Variants in TRMT13 observed in about 807,000 individuals in gnomAD.
The protein encoded by TRMT13 is tRNA methyltransferase 13, also known as tRNA:m(4)X modification enzyme TRM13 homolog.
In TRMT13, 45 loss-of-function variants were observed where a neutral mutation model predicts 55.9. The ratio of observed to expected loss-of-function variants is 0.80; its 90% CI spans 0.63 to 1.03. The LOEUF (loss-of-function observed/expected upper bound fraction) is 1.03, where lower values mean the gene tolerates loss of function less well. TRMT13 is among the 50% of genes least tolerant of loss of function. The pLI, the probability that TRMT13 is intolerant of heterozygous loss-of-function variation, is 0.00. For missense variants in TRMT13, 513 were observed against 563.9 expected (o/e 0.91, Z 0.91); for synonymous variants, 183 against 196.3 (o/e 0.93, Z 0.57).
At chr1:100,142,684 G>A (rs1656770857) in intron 7 of TRMT13, among the ~76,000 whole-genome samples, 1 of 152,172 alleles carries the variant, frequency 6.6e-6, no homozygotes, top group South Asian at 2.1e-4. Flanking sequence ...GTTCACAATT[G>A]AGTATGTGTC....
In TRMT13 at chr1:100,140,240, A is replaced by T; in HGVS notation, c.383A>T (p.Lys128Ile). The T allele has an allele frequency of 1.9e-6, 3 of 1,613,000 alleles. No individual in the cohort carries two copies. Among genetic ancestry groups the T allele is most frequent in the Non-Finnish European group, 2.5e-6 (3 of 1,179,518 alleles). Residue 128 changes from lysine (K) to isoleucine (I), a missense_variant, in exon 5 of 11, where the codon AAA (lysine) becomes ATA (isoleucine). Physicochemically the swap from Lys to Ile is moderately radical, Grantham distance 102. Coordinates refer to ENST00000370141, the MANE Select transcript of TRMT13 (RefSeq NM_019083.3). Reference sequence around the variant, plus strand: ...GAAAAGTTAATTAAGAAATTGAGAAAAGCAAGTGAAGGTAAGACTGCCTAA... The same window carrying T: ...GAAAAGTTAATTAAGAAATTGAGAATAGCAAGTGAAGGTAAGACTGCCTAA... ...QLEKLIKKLR[K>I]ASEGLNSTLK...
intron 8 of TRMT13, 103 bp from the exon 9 acceptor site, chr1:100,143,966 T>C (rs1228329154): frequency 1.0e-6 from 1 of 974,660 alleles, no homozygotes. Context: ...TTTGAGTCTC[T>C]TTCAGGCTAA....
At chr1:100,143,342 A>G in intron 8 of TRMT13, 133 bp downstream of exon 8, 1 of 538,270 alleles carries the variant, frequency 1.9e-6, no homozygotes, top group Non-Finnish European at 3.2e-6. Context: ...TTAATATAGA[A>G]TGTTTTATAT....
rs1657713522 is a variant in TRMT13, at chr1:100,149,296, G to A, written c.*476G>A. 1 of 1,532,038 alleles carries A rather than the reference G, an allele frequency of 6.5e-7. No individual in the cohort carries two copies. 94.9% of individuals were successfully genotyped at this position (1,532,038 alleles called of 1,614,324 possible). ...CCCTACAGATCTGGAAAGCACAATT[G>A]TGATTTTCTCAAATGCAGACAATTC... On this transcript the variant is annotated 3_prime_UTR_variant, in exon 11 of 11. Coordinates refer to ENST00000370141, the MANE Select transcript of TRMT13 (RefSeq NM_019083.3).
In TRMT13 at chr1:100,147,903, T is replaced by A. The variant is rs1657485661; in HGVS notation, c.827T>A (p.Leu276Ter). Residue 276 changes from leucine to a stop codon, truncating the protein, a stop_gained, in exon 10 of 11, where the codon TTA (leucine) becomes TAA (stop). Coordinates refer to ENST00000370141, the MANE Select transcript of TRMT13 (RefSeq NM_019083.3). LOFTEE classifies it high-confidence loss of function. Reference protein sequence around the residue: ...HLCGMATDLALRCLVETYAAS... With the variant: ...HLCGMATDLA ...ATAATTGTGTTTGCAGATCTTGCAT[T>A]ACGATGTTTGGTTGAAACCTATGCT... The A allele has an allele frequency of 1.3e-6, 2 of 1,597,984 alleles. No homozygotes were observed. Among genetic ancestry groups the A allele is most frequent in the Middle Eastern group, 3.4e-4 (2 of 5,960 alleles).
intron 7 of TRMT13, among the ~76,000 whole-genome samples, chr1:100,141,776 A>T (rs1656667795): frequency 6.6e-6 from 1 of 152,256 alleles, no homozygotes; most frequent in Non-Finnish European, 1.5e-5. Context: ...GAAGAGATGG[A>T]GAATGACTAT....
At chr1:100,135,461 C>A (rs538657714) in intron 1 of TRMT13, among the ~76,000 whole-genome samples, 4 of 152,162 alleles carry the variant, frequency 2.6e-5, no homozygotes, top group African/African-American at 7.2e-5. Context: ...CACATTCGAA[C>A]AGAAATAAAT....
In TRMT13 at chr1:100,137,230, CTG is replaced by C. The variant is rs1409201458; in HGVS notation, c.261+147_261+148del. 8 of 658,542 alleles carry C rather than the reference CTG, an allele frequency of 1.2e-5. No individual in the cohort carries two copies. The Middle Eastern group carries it at 1.3e-3, about 108-fold the overall frequency. 40.8% of individuals were successfully genotyped at this position (658,542 alleles called of 1,614,324 possible). Reference sequence around the variant, plus strand: ...TTTTTTAAAGAGATAGGGTCTCACTCTGTCACTCAGGCTGGAGTGCAGTGGCG... The same window carrying C: ...TTTTTTAAAGAGATAGGGTCTCACTCTCACTCAGGCTGGAGTGCAGTGGCG... On this transcript the variant is annotated intron_variant, in intron 3 of 10. Transcript: ENST00000370141.
chr1:100,150,054 C>T lies in TRMT13; in HGVS notation c.*1234C>T, dbSNP rs1413738127. On this transcript the variant is annotated 3_prime_UTR_variant, in exon 11 of 11. Transcript: ENST00000370141. ...TGCGACCTTGGGCATGCTACCTAAT[C>T]TCTTTGTGCCTCAATTTCCTCCTTT... 6.6e-6 allele frequency: 1 copy of T among 152,300 alleles called. No individual in the cohort carries two copies. The highest frequency in any genetic ancestry group is 2.4e-5 in the African/African-American group (1 of 41,446). The allele number at this position is 152,300 out of a possible 1,614,324, so 9.4% of individuals were successfully genotyped here. A position where few individuals can be genotyped will look rare whatever the true frequency, so the allele number is the denominator to read the frequency against.
At chr1:100,137,344 C>T (rs1268400180) in intron 3 of TRMT13, among the ~76,000 whole-genome samples, 3 of 152,006 alleles carry the variant, frequency 2.0e-5, no homozygotes, top group African/African-American at 4.8e-5. Context: ...TGTAGGCAAA[C>T]GACACCACAC....
chr1:100,137,182 C>A, intron 3 of TRMT13, 97 bp downstream of exon 3: 2 of 1,048,100 alleles, frequency 1.9e-6, no homozygotes, highest in South Asian at 1.5e-5. Context: ...AGCTGAGGAA[C>A]CCAAGCTCAG....
In TRMT13 at chr1:100,149,402, A is replaced by T; in HGVS notation, c.*582A>T. ...CAGAGCCATACATGTATATATTGTC[A>T]GAATCTGTCCATGACAAACACAAAA... is the stretch of plus-strand genomic sequence containing the variant. On this transcript the variant is annotated 3_prime_UTR_variant, in exon 11 of 11. Coordinates refer to ENST00000370141, the MANE Select transcript of TRMT13 (RefSeq NM_019083.3). 1 of 1,546,016 alleles carries T rather than the reference A, an allele frequency of 6.5e-7. No individual in the cohort carries two copies. The highest frequency in any genetic ancestry group is 8.7e-7 in the Non-Finnish European group (1 of 1,145,436).
In TRMT13 at chr1:100,149,066, T is replaced by G. The variant is rs199589175; in HGVS notation, c.*246T>G. 149 of 1,601,676 alleles carry G rather than the reference T, an allele frequency of 9.3e-5. No homozygotes were observed. Among genetic ancestry groups the G allele is most frequent in the Non-Finnish European group, 1.1e-4 (135 of 1,175,808 alleles). On this transcript the variant is annotated 3_prime_UTR_variant, in exon 11 of 11. Coordinates refer to ENST00000370141, the MANE Select transcript of TRMT13 (RefSeq NM_019083.3). ...ATTATCCATCCGTATTTATGGAGAT[T>G]GGTAAAGTAGTTGAACCGTTGACTT...
intron 9 of TRMT13, among the ~76,000 whole-genome samples, chr1:100,145,028 A>C (rs867746598): frequency 6.6e-6 from 1 of 152,176 alleles, no homozygotes; most frequent in Non-Finnish European, 1.5e-5. Context: ...TGGTCCTATA[A>C]AATTATACCA....
At position 100,137,096 on chromosome 1, in the gene TRMT13, G is replaced by T; in HGVS notation, c.261+11G>T. The T allele has an allele frequency of 1.2e-6, 2 of 1,606,000 alleles. No homozygotes were observed. The highest frequency in any genetic ancestry group is 2.2e-5 in the South Asian group (2 of 89,718). Reference sequence around the variant, plus strand: ...GAGAAACCAAAACCTGTAAGTGTTTGATCAGTAAAATTGAATGGTGAAATG... The same window carrying T: ...GAGAAACCAAAACCTGTAAGTGTTTTATCAGTAAAATTGAATGGTGAAATG... On this transcript the variant is annotated intron_variant, in intron 3 of 10. Coordinates refer to ENST00000370141, the MANE Select transcript of TRMT13 (RefSeq NM_019083.3).
Position 100,136,943 on chromosome 1 carries a change from G to A in TRMT13, c.194+15G>A. 1 of 1,602,050 alleles carries A rather than the reference G, an allele frequency of 6.2e-7. No individual in the cohort carries two copies. The highest frequency in any genetic ancestry group is 1.4e-5 in the African/African-American group (1 of 73,930). On this transcript the variant is annotated intron_variant, in intron 2 of 10. Transcript: ENST00000370141. ...GATCCAAAACAGTAAGTGTGGATCA[G>A]ATACGGGTTTTTTTTTGTGCTGGAA...
intron 1 of TRMT13, among the ~76,000 whole-genome samples, chr1:100,136,108 A>G (rs1655824037): frequency 6.6e-6 from 1 of 152,196 alleles, no homozygotes; most frequent in African/African-American, 2.4e-5. Flanking sequence ...AAAATCACCT[A>G]AAGATATATT....
chr1:100,139,847 T>C, intron 4 of TRMT13, 136 bp downstream of exon 4: 1 of 620,814 alleles, frequency 1.6e-6, no homozygotes, highest in Non-Finnish European at 2.8e-6. Flanking sequence ...CTTAATATTG[T>C]TAGTGATGGT....
At position 100,136,928 on chromosome 1, in the gene TRMT13, A is replaced by G. The variant is rs751706805; in HGVS notation, c.194A>G (p.His65Arg). ...KRILCPLDPKHTVYEDQLAKH... is the reference protein window; with the variant it reads ...KRILCPLDPKRTVYEDQLAKH... ...ATCCTGTGTCCTTTAGATCCAAAAC[A>G]GTAAGTGTGGATCAGATACGGGTTT... Residue 65 changes from histidine to arginine, a missense_variant and splice_region_variant, in exon 2 of 11, where the codon CAC (histidine) becomes CGC (arginine). His to Arg is a conservative substitution (Grantham distance 29). Coordinates refer to ENST00000370141, the MANE Select transcript of TRMT13 (RefSeq NM_019083.3). 1 of 1,604,722 alleles carries G rather than the reference A, an allele frequency of 6.2e-7. No individual in the cohort carries two copies. Among genetic ancestry groups the G allele is most frequent in the Non-Finnish European group, 8.5e-7 (1 of 1,177,088 alleles).
Sources: gnomAD v4.1 joint callset for allele counts (sites outside exome capture counted in the v4.1 genomes callset) on GRCh38, gnomAD v4.1.1 for gene constraint, MANE v1.5 for transcripts, NCBI Gene and HGNC (gene_info 2026-07-23, HGNC 2026-07-21) for gene names.